Variants in CSMD1 observed in about 807,000 individuals in gnomAD.
CSMD1 encodes the protein CUB and sushi domain-containing protein 1.
Under a neutral mutation model 417.5 loss-of-function variants are expected in CSMD1, and 213 were observed. The ratio of observed to expected loss-of-function variants is 0.51; its 90% CI spans 0.46 to 0.57. The LOEUF (loss-of-function observed/expected upper bound fraction) is 0.57, where lower values mean the gene tolerates loss of function less well. Ranked by LOEUF, CSMD1 falls within the 20% of genes least tolerant of loss-of-function variation. The probability of loss-of-function intolerance (pLI) is 0.00; values close to 1 mark genes in which losing one functional copy is unlikely to be tolerated. For synonymous variants in CSMD1, 2,862 were observed against 1,736.8 expected (o/e 1.65, Z -16.11); for missense variants, 6,923 against 4,529.7 (o/e 1.53, Z -15.17).
chr8:4,136,325 G>T (rs1230442758), intron 3 of CSMD1, among the ~76,000 whole-genome samples: 1 of 152,134 alleles, frequency 6.6e-6, no homozygotes, highest in African/African-American at 2.4e-5. Flanking sequence ...TCACTATCTT[G>T]ATCTGTTAGT....
In CSMD1 at chr8:3,753,964, G is replaced by A. The variant is rs746296424; in HGVS notation, c.897C>T (p.Asn299=). The part of the protein sequence containing the change: ...WLRLHFTSDS[N]HRRKGFNAQF... ...GAGCGTTAAATCCTTTGCGTCGGTG[G>A]TTGCTGTCAGAGGTGAAATGGAGTC... The change falls in exon 6 of 70, where the codon AAC becomes AAT. Residue 299 remains asparagine, a synonymous_variant. Coordinates refer to ENST00000635120, the MANE Select transcript of CSMD1 (RefSeq NM_033225.6). The A allele has an allele frequency of 2.2e-5, 35 of 1,612,844 alleles. No homozygotes were observed. Among genetic ancestry groups the A allele is most frequent in the African/African-American group, 2.7e-5 (2 of 74,788 alleles).
intron 2 of CSMD1, among the ~76,000 whole-genome samples, chr8:4,446,988 G>T (rs1384673415): frequency 6.6e-6 from 1 of 151,898 alleles, no homozygotes; most frequent in Non-Finnish European, 1.5e-5. Flanking sequence ...TGACTGGGTG[G>T]AGTGGTAAGA....
intron 47 of CSMD1, among the ~76,000 whole-genome samples, chr8:3,092,213 T>G (rs984054238): frequency 2.5e-4 from 38 of 152,070 alleles, no homozygotes; most frequent in Non-Finnish European, 8.8e-5. Flanking sequence ...AAAAAAGAAT[T>G]GAAGATTCCA....
At chr8:3,099,683 C>T (rs78156901) in intron 46 of CSMD1, among the ~76,000 whole-genome samples, 5 of 152,300 alleles carry the variant, frequency 3.3e-5, no homozygotes, top group Admixed American at 6.5e-5. Context: ...AAAACCTATT[C>T]GCACATCCTG....
At chr8:4,165,017 T>A (rs3912013) in intron 3 of CSMD1, among the ~76,000 whole-genome samples, 317 of 152,302 alleles carry the variant, frequency 2.1e-3, no homozygotes, top group African/African-American at 7.4e-3. Context: ...TATGTTTTTG[T>A]CCATGACACC....
At chr8:4,764,885 A>AACAAAAAAAAAAACAAAAAAAAAC (rs1554473643) in intron 1 of CSMD1, among the ~76,000 whole-genome samples, 1 of 74,808 alleles carries the variant, frequency 1.3e-5, no homozygotes. Flanking sequence ...AAAAAAAAAA[A>AACAAAAAAAAAAACAAAAAAAAAC]AAAAAAAAAC....
chr8:3,385,341 G>A (rs12547952), intron 18 of CSMD1, among the ~76,000 whole-genome samples: 1 of 74,116 alleles, frequency 1.3e-5, no homozygotes, highest in African/African-American at 6.4e-5. Context: ...TAATTTTTTT[G>A]TGTTTTTGTG....
intron 6 of CSMD1, among the ~76,000 whole-genome samples, chr8:3,728,756 A>G (rs1222673617): frequency 6.6e-6 from 1 of 152,212 alleles, no homozygotes; most frequent in Non-Finnish European, 1.5e-5. Context: ...ATGGAGCTGA[A>G]CTATTAATAC....
chr8:4,387,203 C>T (rs1331021294), intron 3 of CSMD1, among the ~76,000 whole-genome samples: 1 of 152,146 alleles, frequency 6.6e-6, no homozygotes, highest in Non-Finnish European at 1.5e-5. Flanking sequence ...ATCTGAGTGT[C>T]ACTCACTTTG....
rs560474235 is a variant in CSMD1, at chr8:3,829,648, G to C, written c.819-75606C>G. 3.9e-5 allele frequency among the ~76,000 whole-genome samples: 6 copies of C among 152,270 alleles called. No homozygotes were observed. The South Asian group carries it at 1.2e-3, about 32-fold the overall frequency. On this transcript the variant is annotated intron_variant, in intron 5 of 69. Coordinates refer to ENST00000635120, the MANE Select transcript of CSMD1 (RefSeq NM_033225.6). Reference sequence around the variant, plus strand: ...GATGTAGAATGAATTAAGAATTAGAGATGTTCTATGATGCAAATGTCCTCG... The same window carrying C: ...GATGTAGAATGAATTAAGAATTAGACATGTTCTATGATGCAAATGTCCTCG...
At chr8:4,275,718 TCA>T (rs1442392374) in intron 3 of CSMD1, among the ~76,000 whole-genome samples, 1 of 152,194 alleles carries the variant, frequency 6.6e-6, no homozygotes, top group African/African-American at 2.4e-5. Context: ...GTGATTCCAT[TCA>T]CAATGAGTAT....
intron 55 of CSMD1, among the ~76,000 whole-genome samples, chr8:2,978,283 G>C (rs1805103553): frequency 6.6e-6 from 1 of 152,190 alleles, no homozygotes; most frequent in Non-Finnish European, 1.5e-5. Context: ...CCGTGTCTGA[G>C]CTGTGTGGAC....
intron 1 of CSMD1, among the ~76,000 whole-genome samples, chr8:4,836,953 G>C (rs1211765369): frequency 6.6e-6 from 1 of 152,136 alleles, no homozygotes; most frequent in African/African-American, 2.4e-5. Flanking sequence ...CTGTTGAAAG[G>C]AAACTCTGTA....
chr8:3,777,851 T>A (rs999602984), intron 5 of CSMD1, among the ~76,000 whole-genome samples: 3 of 149,096 alleles, frequency 2.0e-5, no homozygotes, highest in Non-Finnish European at 4.4e-5. Flanking sequence ...AAGTGCAGAG[T>A]CTCAGTTCCC....
intron 2 of CSMD1, among the ~76,000 whole-genome samples, chr8:4,548,303 A>C (rs749360908): frequency 1.3e-5 from 2 of 152,198 alleles, no homozygotes; most frequent in Admixed American, 6.5e-5. Context: ...TTAGTCATGT[A>C]TAAGTCTCAT....
chr8:4,941,769 T>G (rs1188707999), intron 1 of CSMD1, among the ~76,000 whole-genome samples: 3 of 152,240 alleles, frequency 2.0e-5, no homozygotes, highest in Middle Eastern at 6.8e-3. Context: ...CGACTGATTT[T>G]CAATTCTTTT....
At chr8:4,354,405 C>G (rs980034627) in intron 3 of CSMD1, among the ~76,000 whole-genome samples, 7 of 152,150 alleles carry the variant, frequency 4.6e-5, no homozygotes, top group African/African-American at 1.7e-4. Flanking sequence ...ACACCGTTCC[C>G]CAACAGAACT....
chr8:4,940,945 T>G (rs1308057257), intron 1 of CSMD1, among the ~76,000 whole-genome samples: 3 of 152,326 alleles, frequency 2.0e-5, no homozygotes, highest in Admixed American at 1.3e-4. Context: ...TCTTTAACAG[T>G]TCTTAGATCT....
At chr8:3,333,915 T>C (rs1213397999) in intron 23 of CSMD1, among the ~76,000 whole-genome samples, 1 of 152,202 alleles carries the variant, frequency 6.6e-6, no homozygotes, top group Non-Finnish European at 1.5e-5. Context: ...GTCTTTATTA[T>C]TGACAAAATT....
Sources: gnomAD v4.1 joint callset for allele counts (sites outside exome capture counted in the v4.1 genomes callset) on GRCh38, gnomAD v4.1.1 for gene constraint, MANE v1.5 for transcripts, NCBI Gene and HGNC (gene_info 2026-07-23, HGNC 2026-07-21) for gene names.